The following MXRA5 variants were observed in gnomAD, a reference collection of about 807,000 sequenced individuals.
The protein encoded by MXRA5 is matrix-remodeling-associated protein 5.
In MXRA5, 41 loss-of-function variants were observed where a neutral mutation model predicts 112.5. The ratio of observed to expected loss-of-function variants is 0.36; its 90% CI spans 0.28 to 0.47. The LOEUF (loss-of-function observed/expected upper bound fraction) is 0.47. MXRA5 is among the 20% of genes least tolerant of loss of function. MXRA5 has a pLI of 0.99. For missense variants in MXRA5, 2,150 were observed against 2,251.0 expected (o/e 0.96, Z 0.91); for synonymous variants, 862 against 900.8 (o/e 0.96, Z 0.77).
chrX:3,318,362 G>A (rs12012292), intron 5 of MXRA5, among the ~76,000 whole-genome samples: 2,717 of 110,811 alleles, frequency 0.025, 88 homozygotes, highest in African/African-American at 0.084. Context: ...GCCCAGGCTG[G>A]TCTTGAACTC....
Position 3,343,652 on chromosome X carries a change from T to C in MXRA5, c.182A>G (p.Asn61Ser), listed in dbSNP as rs1197555669. 4.1e-6 allele frequency: 5 copies of C among 1,210,239 alleles called. No homozygotes were observed. The highest frequency in any genetic ancestry group is 1.8e-5 in the South Asian group (1 of 56,816). The change falls in exon 2 of 7, where the codon AAT becomes AGT. Residue 61 changes from asparagine (N) to serine (S), a missense_variant. Physicochemically the swap from Asn to Ser is conservative, Grantham distance 46. Around this residue, in one of 6 missense-constraint regions of MXRA5, gnomAD observed 386 missense variants for 411.0 expected, o/e 0.94. Transcript: ENST00000217939. ...AGIAKHVERINLGFNSIQALS... is the reference protein window; with the variant it reads ...AGIAKHVERISLGFNSIQALS... ...GGAAGAAAGTGGTACAAACCCCAAATTGATTCTTTCCACGTGTTTAGCAAT... is the reference window on the plus strand; with the variant it reads ...GGAAGAAAGTGGTACAAACCCCAAACTGATTCTTTCCACGTGTTTAGCAAT...
chrX:3,315,393 AT>A (rs1179593495), intron 6 of MXRA5, among the ~76,000 whole-genome samples: 215 of 78,142 alleles, frequency 2.8e-3, no homozygotes, highest in Middle Eastern at 6.7e-3. Flanking sequence ...TAGATAGATG[AT>A]AGATAGATAG....
chrX:3,328,584 TG>T (rs1213724999), intron 4 of MXRA5, among the ~76,000 whole-genome samples: 1 of 110,993 alleles, frequency 9.0e-6, no homozygotes, highest in Non-Finnish European at 1.9e-5. Context: ...GACAAGGACA[TG>T]GGGACACTTG....
Position 3,317,545 on chromosome X carries a change from G to A in MXRA5, c.6136C>T (p.Pro2046Ser). Residue 2046 changes from proline (P) to serine (S), a missense_variant, in exon 6 of 7, where the codon CCC (proline) becomes TCC (serine). By Grantham distance (74) the Pro-to-Ser change is moderately conservative. Transcript: ENST00000217939. ...AGCTTCTCCTGGTGGATAACGGGGG[G>A]CAGTGCCGCCACGTGCAGGCGGATG... is the stretch of plus-strand genomic sequence containing the variant. Reference protein sequence around the residue: ...LAIRLHVAALPPVIHQEKLEN... With the variant: ...LAIRLHVAALSPVIHQEKLEN... The A allele has an allele frequency of 3.3e-6, 4 of 1,208,512 alleles. No homozygotes were observed. The highest frequency in any genetic ancestry group is 3.5e-5 in the South Asian group (2 of 56,470).
At position 3,323,697 on chromosome X, in the gene MXRA5, G is replaced by T. The variant is rs144916947; in HGVS notation, c.1988C>A (p.Thr663Lys). 1 of 1,208,225 alleles carries T rather than the reference G, an allele frequency of 8.3e-7. No homozygotes were observed. Among genetic ancestry groups the T allele is most frequent in the South Asian group, 1.8e-5 (1 of 56,595 alleles). Residue 663 changes from threonine (T) to lysine (K), a missense_variant, in exon 5 of 7, where the codon ACG (threonine) becomes AAG (lysine). Coordinates refer to ENST00000217939, the MANE Select transcript of MXRA5 (RefSeq NM_015419.4). ...AVNQQGADHF[T>K]VGITVTKKGS... ...TTTCTTGGTCACTGTGATTCCCACC[G>T]TAAAATGGTCTGCCCCTTGCTGGTT...
At position 3,323,314 on chromosome X, in the gene MXRA5, G is replaced by T. The variant is rs756893962; in HGVS notation, c.2371C>A (p.Arg791Ser). ...ERWADILAKV[R>S]GKNLPKGTEV... The stretch of plus-strand genomic sequence containing the variant: ...GTGCCCTTAGGGAGATTTTTCCCAC[G>T]GACTTTGGCTAAAATATCAGCCCAG... The change falls in exon 5 of 7, where the codon CGT becomes AGT. Residue 791 changes from arginine to serine, a missense_variant. By Grantham distance (110) the Arg-to-Ser change is moderately radical. Around this residue, in one of 6 missense-constraint regions of MXRA5, gnomAD observed 1,485 missense variants for 1,471.6 expected, o/e 1.01. Transcript: ENST00000217939. The T allele has an allele frequency of 8.3e-7, 1 of 1,209,640 alleles. No individual in the cohort carries two copies. Among genetic ancestry groups the T allele is most frequent in the Non-Finnish European group, 1.1e-6 (1 of 895,203 alleles).
chrX:3,325,663 A>G (rs1273040547), intron 4 of MXRA5, among the ~76,000 whole-genome samples: 4 of 103,348 alleles, frequency 3.9e-5, no homozygotes, highest in Non-Finnish European at 7.8e-5. Flanking sequence ...AGTATATATA[A>G]ATAATATGTA....
chrX:3,329,821 T>C (rs185516328), intron 4 of MXRA5, among the ~76,000 whole-genome samples, 197 bp downstream of exon 4: 1 of 111,901 alleles, frequency 8.9e-6, no homozygotes, highest in East Asian at 2.8e-4. Context: ...TGCCTTTGCG[T>C]TGGGGAATGG....
chrX:3,327,035 C>G lies in MXRA5; in HGVS notation c.710-2060G>C, dbSNP rs868378340. ...CTAAATGTAGAATCTCGTGCCTGTTCTATCTCAGTAAGTGATGCCATACTC... is the reference window on the plus strand; with the variant it reads ...CTAAATGTAGAATCTCGTGCCTGTTGTATCTCAGTAAGTGATGCCATACTC... On this transcript the variant is annotated intron_variant, in intron 4 of 6. Transcript: ENST00000217939. Among the ~76,000 whole-genome samples, 4 of 111,379 alleles carry G rather than the reference C, an allele frequency of 3.6e-5. No homozygotes were observed. The South Asian group carries it at 1.1e-3, about 32-fold the overall frequency.
chrX:3,343,770 G>A lies in MXRA5; in HGVS notation c.64C>T (p.Arg22Ter). Reference protein sequence around the residue: ...VVLILLWGHPRVALACPHPCA... With the variant: ...VVLILLWGHP ...GGATGCGGGCAGGCCAGCGCCACTC[G>A]CGGATGGCCCCAAAGCAGGATCAGC... Residue 22 changes from arginine to a stop codon, truncating the protein, a stop_gained, in exon 2 of 7, where the codon CGA (arginine) becomes TGA (stop). Transcript: ENST00000217939. LOFTEE classifies it high-confidence loss of function. 1 of 1,211,335 alleles carries A rather than the reference G, an allele frequency of 8.3e-7. No individual in the cohort carries two copies. The highest frequency in any genetic ancestry group is 1.1e-6 in the Non-Finnish European group (1 of 895,367).
intron 2 of MXRA5, among the ~76,000 whole-genome samples, chrX:3,343,298 C>T (rs1922030746): frequency 2.7e-5 from 3 of 112,123 alleles, no homozygotes; most frequent in Non-Finnish European, 5.6e-5. Flanking sequence ...CTTAAATCAT[C>T]TTCATATGTT....
At position 3,320,599 on chromosome X, in the gene MXRA5, T is replaced by C. The variant is rs760182088; in HGVS notation, c.5086A>G (p.Asn1696Asp). ...TTTCCAAACACTTTGGAGTAGCCAT[T>C]GAATTGGTCAGTTCTTCGGTCAGTA... ...KFTDRRTDQF[N>D]GYSKVFGNNN... Residue 1696 changes from asparagine (N) to aspartate (D), a missense_variant, in exon 5 of 7, where the codon AAT becomes GAT. Around this residue, in one of 6 missense-constraint regions of MXRA5, gnomAD observed 1,485 missense variants for 1,471.6 expected, o/e 1.01. Coordinates refer to ENST00000217939, the MANE Select transcript of MXRA5 (RefSeq NM_015419.4). 12 of 1,211,887 alleles carry C rather than the reference T, an allele frequency of 9.9e-6. No individual in the cohort carries two copies. The East Asian group carries it at 3.5e-4, about 36-fold the overall frequency.
Position 3,310,081 on chromosome X carries a change from T to C in MXRA5, c.8122A>G (p.Thr2708Ala). 8.3e-7 allele frequency: 1 copy of C among 1,211,082 alleles called. No homozygotes were observed. Among genetic ancestry groups the C allele is most frequent in the Non-Finnish European group, 1.1e-6 (1 of 895,241 alleles). The change falls in exon 7 of 7, where the codon ACC becomes GCC. Residue 2708 changes from threonine to alanine, a missense_variant. Thr to Ala is a moderately conservative substitution (Grantham distance 58). This residue lies in a region of MXRA5 where 178 missense variants were observed against 198.2 expected (regional missense o/e 0.90). Transcript: ENST00000217939. ...VREASVFDRG[T>A]YVCRMETEYG... is the part of the protein sequence containing the mutation. ...TCCGTCTCCATCCTGCATACATAGG[T>C]ACCCCTGTCAAACACCGAGGCCTCA...
intron 2 of MXRA5, among the ~76,000 whole-genome samples, chrX:3,342,738 C>A (rs1433547834): frequency 8.9e-6 from 1 of 112,543 alleles, no homozygotes; most frequent in African/African-American, 3.2e-5. Context: ...GACTCTACCA[C>A]TGTCGATAGA....
chrX:3,326,588 A>G (rs1304113654), intron 4 of MXRA5, among the ~76,000 whole-genome samples: 1 of 108,206 alleles, frequency 9.2e-6, no homozygotes, highest in African/African-American at 3.4e-5. Flanking sequence ...CTATATCTAT[A>G]TTTATAACTC....
In MXRA5 at chrX:3,321,398, G is replaced by A. The variant is rs1211062505; in HGVS notation, c.4287C>T (p.Ser1429=). The change falls in exon 5 of 7, where the codon TCC becomes TCT. Residue 1429 remains serine, a synonymous_variant. Transcript: ENST00000217939. ...TSEFLSSLTV[S]TPFHQEEAGS... ...CAGCTTCTTCCTGGTGAAATGGTGT[G>A]GAGACTGTCAAAGAGGACAAAAACT... 8.3e-7 allele frequency: 1 copy of A among 1,211,774 alleles called. No homozygotes were observed. Among genetic ancestry groups the A allele is most frequent in the Admixed American group, 2.2e-5 (1 of 46,043 alleles).
chrX:3,333,036 C>A (rs1921703395), intron 2 of MXRA5, among the ~76,000 whole-genome samples: 1 of 110,940 alleles, frequency 9.0e-6, no homozygotes, highest in African/African-American at 3.3e-5. Context: ...GGCATGGCAG[C>A]TCATGCCTAT....
chrX:3,314,884 A>ATAGT (rs1397786297), intron 6 of MXRA5, among the ~76,000 whole-genome samples: 4 of 88,655 alleles, frequency 4.5e-5, no homozygotes, highest in African/African-American at 2.0e-4. Context: ...AGGTAGGCAG[A>ATAGT]TAGATAGATA....
At position 3,318,129 on chromosome X, in the gene MXRA5, T is replaced by G. The variant is rs1384667097; in HGVS notation, c.5678-126A>C. 2.0e-5 allele frequency: 10 copies of G among 508,269 alleles called. 1 individual carries two copies. The East Asian group carries it at 3.9e-4, about 20-fold the overall frequency. The allele number at this position is 508,269 out of a possible 1,213,427, so 41.9% of individuals were successfully genotyped here. ...AGGCAGCAAAAGCAAATGTAGTAGG[T>G]AGAATGTTTTAGTGTTTTTAAAAGT... On this transcript the variant is annotated intron_variant, in intron 5 of 6. Transcript: ENST00000217939.
Sources: allele counts gnomAD v4.1 joint callset (sites outside exome capture counted in the v4.1 genomes callset), GRCh38; gene constraint gnomAD v4.1.1; regional missense constraint gnomAD v4.1.1; transcripts MANE v1.5; gene names NCBI Gene and HGNC (gene_info 2026-07-23, HGNC 2026-07-21).